Variants in SLTM observed in about 807,000 individuals in gnomAD.
SLTM encodes SAFB-like transcription modulator.
In SLTM, 43 loss-of-function variants were observed where a neutral mutation model predicts 134.6. That is an observed-to-expected ratio of 0.32 (90% CI 0.25 to 0.41). SLTM has a LOEUF of 0.41. SLTM is among the 10% of genes least tolerant of loss of function. The pLI is 1.00. For missense variants in SLTM, 1,055 were observed against 1,288.8 expected, an observed-to-expected ratio of 0.82 and a Z score of 2.78; for synonymous variants, 424 against 432.3, an observed-to-expected ratio of 0.98 and a Z score of 0.24.
intron 19 of SLTM, 63 bp downstream of exon 19, chr15:58,886,912 G>A (rs2034254854): frequency 5.0e-6 from 8 of 1,597,436 alleles, no homozygotes; most frequent in Non-Finnish European, 6.0e-6. Flanking sequence ...TATATCCAGA[G>A]TAGCTCATGA....
At chr15:58,917,066 G>GTTTA in intron 2 of SLTM, 67 bp from the exon 3 acceptor site, 1 of 1,465,942 alleles carries the variant, frequency 6.8e-7, no homozygotes, top group Admixed American at 1.7e-5. Flanking sequence ...AATATTCAGA[G>GTTTA]TTTACCCTGC....
At chr15:58,923,657 A>G (rs1415926523) in intron 2 of SLTM, among the ~76,000 whole-genome samples, 1 of 152,178 alleles carries the variant, frequency 6.6e-6, no homozygotes, top group Non-Finnish European at 1.5e-5. Flanking sequence ...AACCTTTGCT[A>G]TTAAAGCTCC....
At position 58,913,546 on chromosome 15, in the gene SLTM, C is replaced by G. The variant is rs767535404; in HGVS notation, c.466G>C (p.Glu156Gln). 1.4e-5 allele frequency: 22 copies of G among 1,613,042 alleles called. No homozygotes were observed. In the East Asian group the frequency reaches 4.7e-4, roughly 34 times the overall value. ...EENKRAHELI[E>Q]AEGIEDIEKE... ...TCTATATCTTCTATTCCTTCTGCCT[C>G]TATTAATTCATGAGCTCTCTTGTTT... The change falls in exon 4 of 21, where the codon GAG becomes CAG. Residue 156 changes from glutamate to glutamine, a missense_variant. Transcript: ENST00000380516.
At chr15:58,915,209 C>T (rs2036547054) in intron 3 of SLTM, among the ~76,000 whole-genome samples, 1 of 150,896 alleles carries the variant, frequency 6.6e-6, no homozygotes, top group Admixed American at 6.6e-5. Context: ...AAAACAAAAA[C>T]AAAAACAAAA....
chr15:58,883,827 G>C, intron 19 of SLTM, 41 bp from the exon 20 acceptor site: 1 of 1,608,442 alleles, frequency 6.2e-7, no homozygotes, highest in Non-Finnish European at 8.5e-7. Flanking sequence ...GCCGGGCGCA[G>C]TGGCTCATAC....
At chr15:58,930,373 A>G (rs965611764) in intron 2 of SLTM, among the ~76,000 whole-genome samples, 1 of 141,984 alleles carries the variant, frequency 7.0e-6, no homozygotes, top group Non-Finnish European at 1.5e-5. Context: ...CAGGTGATCC[A>G]CCCGCCTCAG....
intron 2 of SLTM, among the ~76,000 whole-genome samples, chr15:58,920,811 C>T (rs143341791): frequency 1.8e-3 from 264 of 150,382 alleles, no homozygotes; most frequent in African/African-American, 6.1e-3. Context: ...AAAAATTAGC[C>T]GGGTGTGGTG....
chr15:58,912,773 G>T, intron 4 of SLTM, 163 bp from the exon 5 acceptor site: 1 of 565,668 alleles, frequency 1.8e-6, no homozygotes, highest in Non-Finnish European at 3.1e-6. Flanking sequence ...TATTTTTTAT[G>T]CCAAAAAAAA....
Position 58,888,597 on chromosome 15 carries a change from C to T in SLTM, c.2205-42G>A, listed in dbSNP as rs188623858. On this transcript the variant is annotated intron_variant, in intron 16 of 20. Coordinates refer to ENST00000380516, the MANE Select transcript of SLTM (RefSeq NM_024755.4). Reference sequence around the variant, plus strand: ...TGCTTATTTACATAAATTAGTTCTACAGTAATCAAACGACATTTACTTGGA... The same window carrying T: ...TGCTTATTTACATAAATTAGTTCTATAGTAATCAAACGACATTTACTTGGA... 2.8e-5 allele frequency: 45 copies of T among 1,599,372 alleles called. No individual in the cohort carries two copies. In the East Asian group the frequency reaches 4.2e-4, roughly 15 times the overall value.
At position 58,933,385 on chromosome 15, in the gene SLTM, G is replaced by A. The variant is rs1381757525; in HGVS notation, c.162+19C>T. 3 of 1,567,734 alleles carry A rather than the reference G, an allele frequency of 1.9e-6. No individual in the cohort carries two copies. The highest frequency in any genetic ancestry group is 2.6e-6 in the Non-Finnish European group (3 of 1,156,012). ...TAAGTTCCCCTTCCCGGTCCTTTCC[G>A]GTCCTCGCCGGGCCTCACCTGCTTG... On this transcript the variant is annotated intron_variant, in intron 1 of 20. Coordinates refer to ENST00000380516, the MANE Select transcript of SLTM (RefSeq NM_024755.4).
chr15:58,908,917 T>C (rs183103431), intron 5 of SLTM, among the ~76,000 whole-genome samples: 2 of 152,350 alleles, frequency 1.3e-5, no homozygotes, highest in Admixed American at 6.5e-5. Context: ...GTGAGATAAA[T>C]GGTTATCTTG....
intron 2 of SLTM, among the ~76,000 whole-genome samples, chr15:58,930,281 A>ATT (rs34150533): frequency 5.9e-5 from 7 of 117,650 alleles, no homozygotes; most frequent in African/African-American, 1.6e-4. Context: ...ATGCCCAGCT[A>ATT]TTTTTTTTTT....
intron 20 of SLTM, among the ~76,000 whole-genome samples, chr15:58,882,405 A>G (rs2033811448): frequency 6.6e-6 from 1 of 152,172 alleles, no homozygotes; most frequent in Admixed American, 6.6e-5. Context: ...CAGTGGCAAC[A>G]TGAAGCTGAA....
intron 5 of SLTM, among the ~76,000 whole-genome samples, chr15:58,904,385 G>C (rs1358541215): frequency 6.6e-6 from 1 of 152,062 alleles, no homozygotes; most frequent in Admixed American, 6.6e-5. Context: ...ATTAGGGAAT[G>C]ACTAACTATT....
chr15:58,883,873 G>C (rs967514061), intron 19 of SLTM, 87 bp from the exon 20 acceptor site: 1 of 1,454,392 alleles, frequency 6.9e-7, no homozygotes, highest in Admixed American at 1.9e-5. Flanking sequence ...TGAGGCAGGC[G>C]GATCACCTGA....
At chr15:58,891,768 G>A (rs2034658638) in intron 14 of SLTM, among the ~76,000 whole-genome samples, 1 of 151,950 alleles carries the variant, frequency 6.6e-6, no homozygotes, top group Non-Finnish European at 1.5e-5. Flanking sequence ...TTATAGTTAA[G>A]CCATTACATT....
At chr15:58,926,058 C>A (rs2037435994) in intron 2 of SLTM, among the ~76,000 whole-genome samples, 1 of 152,148 alleles carries the variant, frequency 6.6e-6, no homozygotes, top group South Asian at 2.1e-4. Flanking sequence ...GTAAGAATCA[C>A]CTGGGGAGCT....
chr15:58,879,785 A>G lies in SLTM; in HGVS notation c.*214T>C. On this transcript the variant is annotated 3_prime_UTR_variant, in exon 21 of 21. Coordinates refer to ENST00000380516, the MANE Select transcript of SLTM (RefSeq NM_024755.4). ...TCAAATGTGCCTCGGTGCTGCAAGA[A>G]AAAAAGTTGAATGATACACAAAACT... 1 of 532,712 alleles carries G rather than the reference A, an allele frequency of 1.9e-6. No individual in the cohort carries two copies. The allele number at this position is 532,712 out of a possible 1,614,324, so 33.0% of individuals were successfully genotyped here.
At chr15:58,881,371 C>CA (rs1199299280) in intron 20 of SLTM, among the ~76,000 whole-genome samples, 1 of 151,662 alleles carries the variant, frequency 6.6e-6, no homozygotes, top group Admixed American at 6.6e-5. Context: ...ACTAAAAATA[C>CA]AAAAAAATCA....
Sources: allele counts gnomAD v4.1 joint callset (sites outside exome capture counted in the v4.1 genomes callset), GRCh38; gene constraint gnomAD v4.1.1; transcripts MANE v1.5; gene names NCBI Gene and HGNC (gene_info 2026-07-23, HGNC 2026-07-21).